Variants in MTMR2 observed in about 807,000 individuals in gnomAD.
The protein encoded by MTMR2 is phosphatidylinositol-3,5-bisphosphate 3-phosphatase MTMR2.
A neutral mutation model predicts 86.9 loss-of-function variants in MTMR2; 55 were observed. The ratio of observed to expected loss-of-function variants is 0.63; its 90% CI spans 0.51 to 0.79. The LOEUF (loss-of-function observed/expected upper bound fraction) is 0.79, where lower values mean the gene tolerates loss of function less well. Ranked by LOEUF, MTMR2 falls within the 30% of genes least tolerant of loss-of-function variation. MTMR2 has a pLI of 0.00. For synonymous variants in MTMR2, 241 were observed against 266.8 expected, an observed-to-expected ratio of 0.90 and a Z score of 0.94; for missense variants, 659 against 772.3, an observed-to-expected ratio of 0.85 and a Z score of 1.74.
chr11:95,893,709 A>T (rs549611435), intron 1 of MTMR2, among the ~76,000 whole-genome samples: 1 of 152,090 alleles, frequency 6.6e-6, no homozygotes, highest in Non-Finnish European at 1.5e-5. Flanking sequence ...TTTTTAAACC[A>T]TAACCATCCT....
chr11:95,877,896 G>T (rs1383410515), intron 2 of MTMR2, among the ~76,000 whole-genome samples: 1 of 151,920 alleles, frequency 6.6e-6, no homozygotes, highest in Non-Finnish European at 1.5e-5. Flanking sequence ...AACTATGAAA[G>T]AATAAATTTC....
chr11:95,905,331 G>GCGCGCGCGCGCACACA (rs928252045), intron 1 of MTMR2, among the ~76,000 whole-genome samples: 1 of 147,992 alleles, frequency 6.8e-6, no homozygotes, highest in South Asian at 2.2e-4. Flanking sequence ...ACGCACCTGC[G>GCGCGCGCGCGCACACA]CACACACACA....
At chr11:95,865,472 T>G in intron 3 of MTMR2, 129 bp downstream of exon 3, 1 of 862,806 alleles carries the variant, frequency 1.2e-6, no homozygotes, top group Non-Finnish European at 2.0e-6. Context: ...CTGAGAAGAC[T>G]GCAGGTAAAG....
intron 10 of MTMR2, among the ~76,000 whole-genome samples, chr11:95,847,419 A>G (rs1013369441): frequency 4.6e-5 from 7 of 152,204 alleles, no homozygotes; most frequent in South Asian, 2.1e-4. Flanking sequence ...AAAAGGATGC[A>G]ATCTGGGAAG....
At chr11:95,899,494 T>A (rs987667084) in intron 1 of MTMR2, among the ~76,000 whole-genome samples, 26 of 152,276 alleles carry the variant, frequency 1.7e-4, no homozygotes, top group African/African-American at 5.8e-4. Context: ...TTACTGCTTA[T>A]CAGTGTGATA....
rs571113024 is a variant in MTMR2, at chr11:95,862,204, C to A, written c.357+68G>T. 3.5e-5 allele frequency: 54 copies of A among 1,540,772 alleles called. No homozygotes were observed. In the African/African-American group the frequency reaches 6.0e-4, roughly 17 times the overall value. ...CAGAAATGCTTTAATTAGAAATGAT[C>A]AGAAATGAACAAAACTAGCTACAAA... is the stretch of plus-strand genomic sequence containing the variant. On this transcript the variant is annotated intron_variant, in intron 4 of 14. Transcript: ENST00000346299.
intron 13 of MTMR2, 146 bp downstream of exon 13, chr11:95,837,948 T>C (rs1863358089): frequency 4.5e-6 from 3 of 661,864 alleles, no homozygotes; most frequent in South Asian, 3.1e-5. Context: ...TCCAGATATA[T>C]GGAAGGAAGC....
intron 1 of MTMR2, among the ~76,000 whole-genome samples, chr11:95,909,384 T>G (rs1381846232): frequency 1.3e-5 from 2 of 152,144 alleles, no homozygotes; most frequent in African/African-American, 4.8e-5. Context: ...ACAAATGAAG[T>G]TTGGTACCTA....
Position 95,923,971 on chromosome 11 carries a change from C to G in MTMR2, c.-17G>C. Reference sequence around the variant, plus strand: ...CTTCTCCATCGCGCGGCAGGGGCAGCACAGGGAAAGGCTGAAGCAGTCTTC... The same window carrying G: ...CTTCTCCATCGCGCGGCAGGGGCAGGACAGGGAAAGGCTGAAGCAGTCTTC... On this transcript the variant is annotated 5_prime_UTR_variant, in exon 1 of 15. Coordinates refer to ENST00000346299, the MANE Select transcript of MTMR2 (RefSeq NM_016156.6). The G allele has an allele frequency of 6.4e-7, 1 of 1,554,892 alleles. No homozygotes were observed. The highest frequency in any genetic ancestry group is 8.7e-7 in the Non-Finnish European group (1 of 1,148,974).
chr11:95,890,027 A>G (rs1331470100), intron 1 of MTMR2, among the ~76,000 whole-genome samples: 1 of 152,238 alleles, frequency 6.6e-6, no homozygotes, highest in Non-Finnish European at 1.5e-5. Flanking sequence ...TATTCATTAC[A>G]AACCTGCCTA....
At chr11:95,901,714 A>G (rs1357585913) in intron 1 of MTMR2, among the ~76,000 whole-genome samples, 1 of 152,172 alleles carries the variant, frequency 6.6e-6, no homozygotes, top group Non-Finnish European at 1.5e-5. Flanking sequence ...GGGGAGCTAT[A>G]ACACAAACGT....
intron 1 of MTMR2, among the ~76,000 whole-genome samples, chr11:95,891,093 GGA>G (rs1394641806): frequency 6.6e-6 from 1 of 152,118 alleles, no homozygotes; most frequent in Non-Finnish European, 1.5e-5. Context: ...TTGAAATTAT[GGA>G]GAGTGTATTA....
chr11:95,903,620 A>G (rs540816904), intron 1 of MTMR2, among the ~76,000 whole-genome samples: 94 of 152,254 alleles, frequency 6.2e-4, no homozygotes, highest in African/African-American at 2.2e-3. Flanking sequence ...TTACTATTTC[A>G]TATTTTCTTT....
intron 3 of MTMR2, among the ~76,000 whole-genome samples, chr11:95,865,164 A>C (rs989271780): frequency 1.3e-5 from 2 of 152,210 alleles, no homozygotes; most frequent in Admixed American, 6.5e-5. Context: ...TATTCAGAGA[A>C]GAAAGACATG....
At chr11:95,872,798 A>G (rs1316325633) in intron 2 of MTMR2, among the ~76,000 whole-genome samples, 1 of 152,156 alleles carries the variant, frequency 6.6e-6, no homozygotes, top group Non-Finnish European at 1.5e-5. Flanking sequence ...ATCAATACCT[A>G]ATGTATTGAG....
At chr11:95,837,452 A>G (rs1461079871) in intron 13 of MTMR2, among the ~76,000 whole-genome samples, 2 of 152,040 alleles carry the variant, frequency 1.3e-5, no homozygotes, top group Non-Finnish European at 2.9e-5. Flanking sequence ...GGAGATACCA[A>G]TCAAGATGAT....
At chr11:95,906,201 G>C (rs1784292786) in intron 1 of MTMR2, among the ~76,000 whole-genome samples, 1 of 152,096 alleles carries the variant, frequency 6.6e-6, no homozygotes, top group African/African-American at 2.4e-5. Flanking sequence ...CTCCAGCCTA[G>C]GCAATACAGC....
chr11:95,875,531 C>A (rs1445209812), intron 2 of MTMR2, among the ~76,000 whole-genome samples: 1 of 152,112 alleles, frequency 6.6e-6, no homozygotes, highest in Non-Finnish European at 1.5e-5. Flanking sequence ...ACTTCTTTGC[C>A]ATGGGTTTGA....
intron 1 of MTMR2, among the ~76,000 whole-genome samples, chr11:95,889,019 T>C (rs1865615139): frequency 6.6e-6 from 1 of 152,184 alleles, no homozygotes; most frequent in Admixed American, 6.5e-5. Flanking sequence ...AAAGAGAAGT[T>C]CTTTGTACCT....
Sources: allele counts gnomAD v4.1 joint callset (sites outside exome capture counted in the v4.1 genomes callset), GRCh38; gene constraint gnomAD v4.1.1; transcripts MANE v1.5; gene names NCBI Gene and HGNC (gene_info 2026-07-23, HGNC 2026-07-21).